The following CUL2 variants were observed in gnomAD, a reference collection of about 807,000 sequenced individuals.
The protein encoded by CUL2 is cullin 2.
A neutral mutation model predicts 110.2 loss-of-function variants in CUL2; 22 were observed. That is an observed-to-expected ratio of 0.20 (90% CI 0.14 to 0.28). CUL2 has a LOEUF of 0.28. Ranked by LOEUF, CUL2 falls within the 10% of genes least tolerant of loss-of-function variation. The pLI is 1.00. For missense variants in CUL2, 631 were observed against 905.5 expected, an observed-to-expected ratio of 0.70 and a Z score of 3.89; for synonymous variants, 279 against 293.2, an observed-to-expected ratio of 0.95 and a Z score of 0.49.
At chr10:35,073,251 CT>C (rs2086727625) in intron 1 of CUL2, among the ~76,000 whole-genome samples, 6 of 152,184 alleles carry the variant, frequency 3.9e-5, no homozygotes, top group Admixed American at 3.9e-4. Flanking sequence ...CGATTTTACT[CT>C]GCAAAATTGA....
At chr10:35,088,297 CAAGAGATCAA>C in intron 1 of CUL2, among the ~76,000 whole-genome samples, 1 of 152,016 alleles carries the variant, frequency 6.6e-6, no homozygotes, top group African/African-American at 2.4e-5. Context: ...ATCATGAGGT[CAAGAGATCAA>C]GACCACCCTG....
chr10:35,091,255 T>TCTTGTTCAA (rs1788363654), upstream of CUL2, among the ~76,000 whole-genome samples: 1 of 152,134 alleles, frequency 6.6e-6, no homozygotes, highest in African/African-American at 2.4e-5. Flanking sequence ...ACCATCAGGG[T>TCTTGTTCAA]CTTGTTCATT....
At chr10:35,037,642 G>C (rs796847102) in intron 9 of CUL2, among the ~76,000 whole-genome samples, 8 of 151,784 alleles carry the variant, frequency 5.3e-5, no homozygotes, top group African/African-American at 1.9e-4. Flanking sequence ...TCAGGAGTTC[G>C]AGACCAGCCG....
intron 1 of CUL2, chr10:35,074,209 C>T: frequency 6.5e-7 from 1 of 1,535,386 alleles, no homozygotes; most frequent in Non-Finnish European, 8.7e-7. Flanking sequence ...AAAAAGTTGA[C>T]CATGTTACTC....
chr10:35,034,255 G>A lies in CUL2; in HGVS notation c.1002+917C>T, dbSNP rs148447377. Among the ~76,000 whole-genome samples, 14 of 152,136 alleles carry A rather than the reference G, an allele frequency of 9.2e-5. No individual in the cohort carries two copies. The East Asian group carries it at 2.7e-3, about 29-fold the overall frequency. On this transcript the variant is annotated intron_variant, in intron 10 of 20. Transcript: ENST00000374749. ...GTCATTGGACATGGAATCTATAAAC[G>A]TAATAATGTAAACTAGTAAGTTTGA...
intron 18 of CUL2, among the ~76,000 whole-genome samples, chr10:35,015,832 A>G (rs1345386888): frequency 6.6e-6 from 1 of 152,240 alleles, no homozygotes; most frequent in African/African-American, 2.4e-5. Flanking sequence ...ATTTCCTGTT[A>G]TAGAACCATG....
At chr10:35,080,169 T>C (rs992044670) in intron 1 of CUL2, among the ~76,000 whole-genome samples, 2 of 152,192 alleles carry the variant, frequency 1.3e-5, no homozygotes, top group Non-Finnish European at 2.9e-5. Flanking sequence ...TCCATTTCCA[T>C]AGGTGGGCCC....
At chr10:35,024,167 C>G (rs1288991841) in intron 17 of CUL2, among the ~76,000 whole-genome samples, 1 of 152,080 alleles carries the variant, frequency 6.6e-6, no homozygotes, top group Non-Finnish European at 1.5e-5. Context: ...CTTTGACTAC[C>G]ACTAAGAGTA....
intron 16 of CUL2, among the ~76,000 whole-genome samples, chr10:35,026,044 G>A (rs1361156630): frequency 6.6e-6 from 1 of 152,146 alleles, no homozygotes; most frequent in Non-Finnish European, 1.5e-5. Flanking sequence ...GCTATATTAT[G>A]ACCACTCCTT....
At chr10:35,085,554 C>T (rs1323105306) in intron 1 of CUL2, among the ~76,000 whole-genome samples, 1 of 151,386 alleles carries the variant, frequency 6.6e-6, no homozygotes, top group African/African-American at 2.4e-5. Context: ...ACCATCCTGG[C>T]TAACACGGTG....
intron 16 of CUL2, among the ~76,000 whole-genome samples, chr10:35,028,464 T>C (rs893457580): frequency 1.3e-5 from 2 of 152,204 alleles, no homozygotes; most frequent in Non-Finnish European, 2.9e-5. Context: ...TTGGTCAAAA[T>C]TCAAAAGGAA....
rs565395001 is a variant in CUL2 at position 35,023,594 on chromosome 10, G to C, written c.1684+1538C>G. ...ATTTATTTTCTTCTTATACACCACT[G>C]GTTGTTAAAATGAGCCCCTTACTAA... On this transcript the variant is annotated intron_variant, in intron 17 of 20. Coordinates refer to ENST00000374749, the MANE Select transcript of CUL2 (RefSeq NM_003591.4). 1.4e-4 allele frequency among the ~76,000 whole-genome samples: 21 copies of C among 152,062 alleles called. No individual in the cohort carries two copies. In the South Asian group the frequency reaches 4.4e-3, roughly 32 times the overall value.
chr10:35,025,202 T>TAAAAAA lies in CUL2; in HGVS notation c.1618-10_1618-5dup, dbSNP rs58779572. The stretch of plus-strand genomic sequence containing the variant: ...GTTGGCTATAAAATAATTCAAACTG[T>TAAAAAA]AAAAAAAAAAAAAAAACACACATTA... On this transcript the variant is annotated splice_region_variant and splice_polypyrimidine_tract_variant and intron_variant, in intron 16 of 20. Coordinates refer to ENST00000374749, the MANE Select transcript of CUL2 (RefSeq NM_003591.4). 4 of 1,434,766 alleles carry TAAAAAA rather than the reference T, an allele frequency of 2.8e-6. No homozygotes were observed. Among genetic ancestry groups the TAAAAAA allele is most frequent in the Admixed American group, 2.7e-5 (1 of 37,526 alleles). The allele number at this position is 1,434,766 out of a possible 1,614,324, so 88.9% of individuals were successfully genotyped here. A position where few individuals can be genotyped will look rare whatever the true frequency, so the allele number is the denominator to read the frequency against.
chr10:35,013,930 AT>A, intron 18 of CUL2, 130 bp from the exon 19 acceptor site: 1 of 574,108 alleles, frequency 1.7e-6, no homozygotes, highest in Non-Finnish European at 2.6e-6. Context: ...TATATTATAG[AT>A]TACCAAATTT....
intron 1 of CUL2, among the ~76,000 whole-genome samples, chr10:35,072,909 T>C (rs1401503179): frequency 1.3e-5 from 2 of 152,060 alleles, no homozygotes; most frequent in Non-Finnish European, 2.9e-5. Context: ...GGATGAAACA[T>C]CTTTTCTCGT....
chr10:35,092,708 T>C (rs2087230225), upstream of CUL2, among the ~76,000 whole-genome samples: 1 of 152,254 alleles, frequency 6.6e-6, no homozygotes, highest in Non-Finnish European at 1.5e-5. Context: ...TGGTCATTCC[T>C]GGGCATAGGC....
In CUL2 at chr10:35,048,917, T is replaced by TA. The variant is rs559375923; in HGVS notation, c.506+765dup. ...CGGCTTTGACAAAGTATTCCTCATATAAAAAAAACTCCTTATTTAGGTCTT... is the reference window on the plus strand; with the variant it reads ...CGGCTTTGACAAAGTATTCCTCATATAAAAAAAAACTCCTTATTTAGGTCTT... On this transcript the variant is annotated intron_variant, in intron 6 of 20. Transcript: ENST00000374749. 1.2e-3 allele frequency among the ~76,000 whole-genome samples: 182 copies of TA among 152,158 alleles called. 2 individuals carry two copies. Among genetic ancestry groups the TA allele is most frequent in the African/African-American group, 3.8e-3 (159 of 41,510 alleles).
In CUL2 at chr10:35,044,856, T is replaced by G; in HGVS notation, c.519A>C (p.Gly173=). The change falls in exon 7 of 21, where the codon GGA becomes GGC. Residue 173 remains glycine (G), a synonymous_variant. Coordinates refer to ENST00000374749, the MANE Select transcript of CUL2 (RefSeq NM_003591.4). ...LLREIKNDRG[G]EDPNQKVIHG... ...GGATTACTTTCTGGTTTGGGTCTTC[T>G]CCACCACGATCACTAAAACAAGGTA... is the stretch of plus-strand genomic sequence containing the variant. The G allele has an allele frequency of 6.2e-6, 10 of 1,611,664 alleles. No homozygotes were observed. Among genetic ancestry groups the G allele is most frequent in the Non-Finnish European group, 8.5e-6 (10 of 1,178,268 alleles).
chr10:35,079,630 TTTC>T (rs2086899974), intron 1 of CUL2: 1 of 153,922 alleles, frequency 6.5e-6, no homozygotes, highest in African/African-American at 2.4e-5. Flanking sequence ...TTCTTCACAA[TTTC>T]TTTTCTTTCA....
Sources: allele counts gnomAD v4.1 joint callset (sites outside exome capture counted in the v4.1 genomes callset), GRCh38; gene constraint gnomAD v4.1.1; transcripts MANE v1.5; gene names NCBI Gene and HGNC (gene_info 2026-07-23, HGNC 2026-07-21).